SETBP1: variants seen among roughly 807,000 people sequenced by gnomAD.
SETBP1 encodes the protein SET binding protein 1.
A neutral mutation model predicts 101.0 loss-of-function variants in SETBP1; 9 were observed. That is an observed-to-expected ratio of 0.09 (90% CI 0.05 to 0.16). The LOEUF (loss-of-function observed/expected upper bound fraction) is 0.16, where lower values mean the gene tolerates loss of function less well. SETBP1 is among the 10% of genes least tolerant of loss of function. The pLI, the probability that SETBP1 is intolerant of heterozygous loss-of-function variation, is 1.00. For missense variants in SETBP1, 1,858 were observed against 2,033.8 expected (o/e 0.91, Z 1.66); for synonymous variants, 818 against 788.5 (o/e 1.04, Z -0.63).
intron 4 of SETBP1, among the ~76,000 whole-genome samples, chr18:44,969,186 C>A (rs893144328): frequency 1.3e-5 from 2 of 152,132 alleles, no homozygotes; most frequent in Admixed American, 1.3e-4. Flanking sequence ...AAGCTAAACT[C>A]GATATCTTTA....
chr18:44,975,078 G>C (rs1048789259), intron 4 of SETBP1, among the ~76,000 whole-genome samples: 2 of 152,202 alleles, frequency 1.3e-5, no homozygotes, highest in Non-Finnish European at 2.9e-5. Context: ...GTAAAGATCA[G>C]TAAGGGGTAC....
intron 4 of SETBP1, among the ~76,000 whole-genome samples, chr18:45,005,700 A>C (rs1168272763): frequency 1.5e-5 from 2 of 135,984 alleles, no homozygotes; most frequent in African/African-American, 5.7e-5. Context: ...AGGCTGGAGT[A>C]CAGTGGCATG....
chr18:45,050,422 C>T (rs757267508), intron 5 of SETBP1, among the ~76,000 whole-genome samples: 25 of 152,114 alleles, frequency 1.6e-4, no homozygotes, highest in Non-Finnish European at 2.8e-4. Flanking sequence ...GAACTAACTC[C>T]GTTAGTTTAT....
intron 5 of SETBP1, among the ~76,000 whole-genome samples, chr18:45,045,777 A>C (rs1418691808): frequency 6.6e-6 from 1 of 152,120 alleles, no homozygotes; most frequent in Non-Finnish European, 1.5e-5. Context: ...AATAATGGAG[A>C]TAATCCTTGG....
At chr18:44,715,558 A>C (rs2069444120) in intron 2 of SETBP1, among the ~76,000 whole-genome samples, 1 of 151,992 alleles carries the variant, frequency 6.6e-6, no homozygotes, top group Non-Finnish European at 1.5e-5. Flanking sequence ...TCTGCCTTTA[A>C]CAAGTCCATC....
rs529836862 is a variant in SETBP1, at chr18:45,055,026, C to G, written c.4172-8053C>G. ...ATGAATGCTCTCCAGGATTTGGGCT[C>G]TAGGAGTTGACAGTCTGAAACAATC... On this transcript the variant is annotated intron_variant, in intron 5 of 5. Coordinates refer to ENST00000649279, the MANE Select transcript of SETBP1 (RefSeq NM_015559.3). Among the ~76,000 whole-genome samples the G allele has an allele frequency of 2.6e-5, 4 of 152,272 alleles. No individual in the cohort carries two copies. The South Asian group carries it at 6.2e-4, about 24-fold the overall frequency.
At chr18:44,705,391 C>T (rs1033748751) in intron 2 of SETBP1, among the ~76,000 whole-genome samples, 3 of 152,092 alleles carry the variant, frequency 2.0e-5, no homozygotes, top group Non-Finnish European at 2.9e-5. Flanking sequence ...CTGATCCTTA[C>T]AAAAAATGTG....
chr18:44,743,711 T>A (rs1394845165), intron 2 of SETBP1, among the ~76,000 whole-genome samples: 1 of 152,238 alleles, frequency 6.6e-6, no homozygotes, highest in Non-Finnish European at 1.5e-5. Context: ...CCTCTTTTTT[T>A]CTACTAGTTG....
intron 2 of SETBP1, among the ~76,000 whole-genome samples, chr18:44,708,158 A>G (rs1226672307): frequency 1.3e-5 from 2 of 152,180 alleles, no homozygotes; most frequent in East Asian, 3.9e-4. Context: ...TCCTCCACAC[A>G]AGTGGGTGGC....
At chr18:44,936,983 T>C (rs1185052091) in intron 3 of SETBP1, among the ~76,000 whole-genome samples, 1 of 152,170 alleles carries the variant, frequency 6.6e-6, no homozygotes, top group South Asian at 2.1e-4. Context: ...AGGTACTCCC[T>C]GGTTAATGTC....
At chr18:44,914,280 A>G (rs2070379219) in intron 3 of SETBP1, among the ~76,000 whole-genome samples, 1 of 152,224 alleles carries the variant, frequency 6.6e-6, no homozygotes, top group Non-Finnish European at 1.5e-5. Flanking sequence ...GTTGATTATG[A>G]ACACACTGGC....
At chr18:44,892,336 G>A (rs2069790497) in intron 3 of SETBP1, among the ~76,000 whole-genome samples, 2 of 152,258 alleles carry the variant, frequency 1.3e-5, no homozygotes, top group Admixed American at 6.5e-5. Flanking sequence ...GCCTTATATG[G>A]GAATTAAGGA....
At position 44,824,099 on chromosome 18, in the gene SETBP1, T is replaced by G. The variant is rs545865853; in HGVS notation, c.487-45131T>G. On this transcript the variant is annotated intron_variant, in intron 2 of 5. Transcript: ENST00000649279. Reference sequence around the variant, plus strand: ...AATCTTAAGACCAGTTACCTTGACTTGAGAAGTGGCTGCCTGTGTGTGTGT... The same window carrying G: ...AATCTTAAGACCAGTTACCTTGACTGGAGAAGTGGCTGCCTGTGTGTGTGT... Among the ~76,000 whole-genome samples the G allele has an allele frequency of 3.9e-5, 6 of 152,304 alleles. No individual in the cohort carries two copies. In the South Asian group the frequency reaches 1.0e-3, roughly 26 times the overall value.
chr18:44,875,527 CA>C (rs10645515), intron 3 of SETBP1, among the ~76,000 whole-genome samples: 8,299 of 61,046 alleles, frequency 0.14, 101 homozygotes, highest in Middle Eastern at 0.19. Context: ...GACTCCATCT[CA>C]AAAAAAAAAA....
At chr18:44,704,057 A>T (rs1229697795) in intron 2 of SETBP1, among the ~76,000 whole-genome samples, 1 of 152,206 alleles carries the variant, frequency 6.6e-6, no homozygotes, top group Non-Finnish European at 1.5e-5. Context: ...TCAAACCCAA[A>T]TTCGCTGCCC....
At chr18:44,702,131 G>A (rs1319629936) in intron 2 of SETBP1, among the ~76,000 whole-genome samples, 2 of 151,992 alleles carry the variant, frequency 1.3e-5, no homozygotes, top group African/African-American at 2.4e-5. Flanking sequence ...TAGAGAAAAC[G>A]ATCTTAAGAA....
chr18:44,979,327 C>T (rs898494747), intron 4 of SETBP1, among the ~76,000 whole-genome samples: 1 of 152,224 alleles, frequency 6.6e-6, no homozygotes, highest in African/African-American at 2.4e-5. Flanking sequence ...TCATATTTGC[C>T]TGGCCCTTTG....
At chr18:44,943,194 G>A (rs888345838) in intron 3 of SETBP1, among the ~76,000 whole-genome samples, 2 of 152,148 alleles carry the variant, frequency 1.3e-5, no homozygotes, top group Admixed American at 6.5e-5. Flanking sequence ...AGCATAAATG[G>A]TAATTTTTCA....
Position 44,992,828 on chromosome 18 carries a change from T to C in SETBP1, c.4000+39488T>C, listed in dbSNP as rs143013954. Among the ~76,000 whole-genome samples, 1,241 of 152,126 alleles carry C rather than the reference T, an allele frequency of 8.2e-3. 12 individuals carry two copies. The highest frequency in any genetic ancestry group is 0.012 in the Non-Finnish European group (819 of 67,880). ...GAAAGAACTTTCTCAGGATGGAACA[T>C]TGATCACTCTCAAACACAGAATGAG... On this transcript the variant is annotated intron_variant, in intron 4 of 5. Transcript: ENST00000649279.
Sources: gnomAD v4.1 joint callset for allele counts (sites outside exome capture counted in the v4.1 genomes callset) on GRCh38, gnomAD v4.1.1 for gene constraint, MANE v1.5 for transcripts, NCBI Gene and HGNC (gene_info 2026-07-23, HGNC 2026-07-21) for gene names.